CYP3A7: variants seen among roughly 807,000 people sequenced by gnomAD.
CYP3A7 encodes the protein cytochrome P450 family 3 subfamily A member 7.
In CYP3A7, 45 loss-of-function variants were observed where a neutral mutation model predicts 55.2. The observed-to-expected ratio is 0.82, with a 90% CI of 0.64 to 1.05. The LOEUF is 1.05. Among genes scored for constraint, CYP3A7 ranks in the 50% least tolerant of loss-of-function variants. CYP3A7 has a pLI of 0.00. For synonymous variants in CYP3A7, 180 were observed against 207.4 expected, an observed-to-expected ratio of 0.87 and a Z score of 1.13; for missense variants, 548 against 605.3, an observed-to-expected ratio of 0.91 and a Z score of 0.99.
chr7:99,708,951 C>G (rs1457675225), intron 11 of CYP3A7, 84 bp downstream of exon 11: 1 of 1,454,936 alleles, frequency 6.9e-7, no homozygotes, highest in Non-Finnish European at 9.6e-7. Flanking sequence ...AACGATTGTA[C>G]AAGCCCAGAC....
chr7:99,710,249 C>G (rs1240411007), intron 10 of CYP3A7, among the ~76,000 whole-genome samples: 1 of 152,152 alleles, frequency 6.6e-6, no homozygotes, highest in Non-Finnish European at 1.5e-5. Context: ...GAGTTTAGCT[C>G]AGAAGTCAGA....
intron 2 of CYP3A7, among the ~76,000 whole-genome samples, chr7:99,724,414 T>C (rs1051365027): frequency 6.6e-5 from 10 of 152,308 alleles, no homozygotes; most frequent in African/African-American, 2.4e-4. Flanking sequence ...CATTCTTTTA[T>C]ACATCAGTCT....
Position 99,705,516 on chromosome 7 carries a change from G to A in CYP3A7, c.1496C>T (p.Thr499Ile). 4 of 1,613,568 alleles carry A rather than the reference G, an allele frequency of 2.5e-6. No homozygotes were observed. Among genetic ancestry groups the A allele is most frequent in the Non-Finnish European group, 3.4e-6 (4 of 1,179,626 alleles). Residue 499 changes from threonine (T) to isoleucine (I), a missense_variant, in exon 13 of 13, where the codon ACC becomes ATC. By Grantham distance (89) the Thr-to-Ile change is moderately conservative. Coordinates refer to ENST00000336374, the MANE Select transcript of CYP3A7 (RefSeq NM_000765.5). The stretch of plus-strand genomic sequence containing the variant: ...TTAGGGAAATCAGGCTCCACTTACG[G>A]TCTCATCCCTTGACTCAGCCTTTAG... ...IVLKAESRDE[T>I]VSGA
Position 99,710,742 on chromosome 7 carries a change from A to G in CYP3A7, c.1016T>C (p.Leu339Ser). 1 of 1,613,860 alleles carries G rather than the reference A, an allele frequency of 6.2e-7. No individual in the cohort carries two copies. Among genetic ancestry groups the G allele is most frequent in the Admixed American group, 1.7e-5 (1 of 59,970 alleles). Residue 339 changes from leucine (L) to serine (S), a missense_variant, in exon 10 of 13, where the codon TTA (leucine) becomes TCA (serine). Leu to Ser is a moderately radical substitution (Grantham distance 145). Transcript: ENST00000336374. Reference sequence around the variant, plus strand: ...GTACTGTCCACTCACCTTATTGGGTAAAACTGTATCAATTTCCTTCTGCAC... The same window carrying G: ...GTACTGTCCACTCACCTTATTGGGTGAAACTGTATCAATTTCCTTCTGCAC... ...QKVQKEIDTV[L>S]PNKAPPTYDT...
chr7:99,714,732 A>G, intron 7 of CYP3A7, 50 bp from the exon 8 acceptor site: 1 of 1,596,462 alleles, frequency 6.3e-7, no homozygotes, highest in South Asian at 1.1e-5. Flanking sequence ...GAACATACAA[A>G]ATTTACCTGG....
intron 2 of CYP3A7, among the ~76,000 whole-genome samples, chr7:99,727,214 G>A (rs1435713569): frequency 6.6e-6 from 1 of 152,148 alleles, no homozygotes; most frequent in African/African-American, 2.4e-5. Context: ...CACAAGGACT[G>A]GGACCGTGCT....
chr7:99,711,023 T>C, intron 9 of CYP3A7, 131 bp from the exon 10 acceptor site: 3 of 1,470,502 alleles, frequency 2.0e-6, no homozygotes, highest in Non-Finnish European at 1.8e-6. Context: ...AGAGTCTCAC[T>C]GGGGGTGGTT....
chr7:99,712,816 C>G (rs893133883), intron 9 of CYP3A7, among the ~76,000 whole-genome samples: 1 of 152,120 alleles, frequency 6.6e-6, no homozygotes, highest in African/African-American at 2.4e-5. Flanking sequence ...ACATGGCCAT[C>G]ATTTTGCCAC....
chr7:99,714,100 C>G (rs1813848861), intron 8 of CYP3A7, among the ~76,000 whole-genome samples: 1 of 152,206 alleles, frequency 6.6e-6, no homozygotes, highest in African/African-American at 2.4e-5. Flanking sequence ...AAATGTAACA[C>G]ACACTACACT....
intron 2 of CYP3A7, among the ~76,000 whole-genome samples, chr7:99,725,126 G>A (rs1307295344): frequency 6.6e-6 from 1 of 152,164 alleles, no homozygotes; most frequent in Admixed American, 6.5e-5. Flanking sequence ...ATACAAGGCT[G>A]TTAATTATGA....
chr7:99,709,035 C>T lies in CYP3A7; in HGVS notation c.1253G>A (p.Arg418Lys). 2 of 1,613,918 alleles carry T rather than the reference C, an allele frequency of 1.2e-6. No homozygotes were observed. Among genetic ancestry groups the T allele is most frequent in the Non-Finnish European group, 1.7e-6 (2 of 1,179,900 alleles). The stretch of plus-strand genomic sequence containing the variant: ...GGCTCCCTTCCCAGGGGCCTCCTAC[C>T]TTTCAGGGAGGAACTTCTCAGGCTC... ...WTEPEKFLPE[R>K]FSKKNKDNID... is the part of the protein sequence containing the mutation. Residue 418 changes from arginine to lysine, a missense_variant and splice_region_variant, in exon 11 of 13, where the codon AGG becomes AAG. Arg to Lys is a conservative substitution (Grantham distance 26). Transcript: ENST00000336374.
intron 4 of CYP3A7, among the ~76,000 whole-genome samples, chr7:99,719,137 C>T (rs554664780): frequency 6.6e-6 from 1 of 152,260 alleles, no homozygotes; most frequent in Non-Finnish European, 1.5e-5. Flanking sequence ...TATTTATAGA[C>T]ACTGAGAGAC....
At position 99,709,176 on chromosome 7, in the gene CYP3A7, A is replaced by T. The variant is rs1813650297; in HGVS notation, c.1112T>A (p.Met371Lys). The T allele has an allele frequency of 6.2e-7, 1 of 1,614,050 alleles. No homozygotes were observed. Among genetic ancestry groups the T allele is most frequent in the Non-Finnish European group, 8.5e-7 (1 of 1,179,948 alleles). The change falls in exon 11 of 13, where the codon ATG becomes AAG. Residue 371 changes from methionine (M) to lysine (K), a missense_variant. By Grantham distance (95) the Met-to-Lys change is moderately conservative (BLOSUM62 -1). Transcript: ENST00000336374. ...NETLRLFPVA[M>K]RLERVCKKDV... ...TTTTTTGCAGACCCTCTCAAGTCTC[A>T]TAGCAACTGGGAATAATCTGAGTGT...
intron 1 of CYP3A7, 53 bp from the exon 2 acceptor site, chr7:99,731,205 G>A: frequency 6.2e-7 from 1 of 1,605,298 alleles, no homozygotes; most frequent in Non-Finnish European, 8.5e-7. Flanking sequence ...TATAGATATA[G>A]GGGCTGGTGA....
At chr7:99,722,507 A>G (rs45515892) in intron 2 of CYP3A7, among the ~76,000 whole-genome samples, 159 bp from the exon 3 acceptor site, 4,382 of 152,290 alleles carry the variant, frequency 0.029, 239 homozygotes, top group African/African-American at 0.1. Context: ...AACAAAATAG[A>G]GGAGGTATTT....
chr7:99,708,094 G>A, intron 11 of CYP3A7, 120 bp from the exon 12 acceptor site: 1 of 1,407,234 alleles, frequency 7.1e-7, no homozygotes, highest in Non-Finnish European at 9.9e-7. Flanking sequence ...TACTTTTGTG[G>A]GCTAGTCACT....
At chr7:99,717,416 C>G (rs1274963672) in intron 5 of CYP3A7, 110 bp downstream of exon 5, 1 of 1,582,290 alleles carries the variant, frequency 6.3e-7, no homozygotes, top group Admixed American at 1.8e-5. Flanking sequence ...TTTTAGGAAG[C>G]TCAAATTCAG....
intron 2 of CYP3A7, among the ~76,000 whole-genome samples, chr7:99,726,613 C>A (rs1253633366): frequency 3.3e-5 from 5 of 152,184 alleles, no homozygotes; most frequent in Admixed American, 1.3e-4. Context: ...CAGCAGCTTA[C>A]CTGGGCTGTA....
chr7:99,711,781 A>AAACAAC (rs10692661), intron 9 of CYP3A7, among the ~76,000 whole-genome samples: 45 of 151,328 alleles, frequency 3.0e-4, no homozygotes, highest in Middle Eastern at 3.4e-3. Flanking sequence ...AAACAAAACA[A>AAACAAC]AACAACAACA....
Sources: gnomAD v4.1 joint callset for allele counts (sites outside exome capture counted in the v4.1 genomes callset) on GRCh38, gnomAD v4.1.1 for gene constraint, MANE v1.5 for transcripts, NCBI Gene and HGNC (gene_info 2026-07-23, HGNC 2026-07-21) for gene names.